The following SUPT3H variants were observed in gnomAD, a reference collection of about 807,000 sequenced individuals.
SUPT3H encodes the protein SPT3 homolog, SAGA and STAGA complex component, also known as transcription initiation protein SPT3 homolog.
In SUPT3H, 44 loss-of-function variants were observed where a neutral mutation model predicts 44.3. That is an observed-to-expected ratio of 0.99 (90% CI 0.78 to 1.28). SUPT3H has a LOEUF of 1.28. Ranked by LOEUF, SUPT3H falls within the 50% of genes most tolerant of loss-of-function variation. The pLI is 0.00. For synonymous variants in SUPT3H, 124 were observed against 125.6 expected (o/e 0.99, Z 0.09); for missense variants, 380 against 387.1 (o/e 0.98, Z 0.15).
At chr6:44,910,031 GCTACTGGGATTT>G (rs1454701069) in intron 10 of SUPT3H, among the ~76,000 whole-genome samples, 2 of 152,152 alleles carry the variant, frequency 1.3e-5, no homozygotes, top group Non-Finnish European at 2.9e-5. Context: ...GAAGAAAATT[GCTACTGGGATTT>G]CTGGGCTGCA....
chr6:44,866,899 T>G (rs1291614056), intron 10 of SUPT3H, among the ~76,000 whole-genome samples: 1 of 152,180 alleles, frequency 6.6e-6, no homozygotes, highest in Non-Finnish European at 1.5e-5. Flanking sequence ...GTCAGAAGAA[T>G]AGCACATTTA....
chr6:45,299,689 A>T (rs1348384298), intron 2 of SUPT3H, among the ~76,000 whole-genome samples: 1 of 151,790 alleles, frequency 6.6e-6, no homozygotes, highest in East Asian at 1.9e-4. Context: ...CTGAGGAAGG[A>T]AGATCACTTA....
At chr6:45,143,490 A>G (rs1490332893) in intron 2 of SUPT3H, among the ~76,000 whole-genome samples, 1 of 152,168 alleles carries the variant, frequency 6.6e-6, no homozygotes, top group Non-Finnish European at 1.5e-5. Flanking sequence ...AAAAAAATTA[A>G]AAATTCTTTG....
At chr6:45,212,061 G>A (rs977425153) in intron 2 of SUPT3H, among the ~76,000 whole-genome samples, 1 of 151,946 alleles carries the variant, frequency 6.6e-6, no homozygotes, top group African/African-American at 2.4e-5. Context: ...AGCTACTCTG[G>A]ATGCTGAGAT....
At chr6:45,019,921 A>G (rs1784871487) in intron 4 of SUPT3H, among the ~76,000 whole-genome samples, 1 of 151,984 alleles carries the variant, frequency 6.6e-6, no homozygotes, top group South Asian at 2.1e-4. Flanking sequence ...CATGTAAAAT[A>G]TTAGAGAATA....
chr6:44,944,762 C>CAAAAAAAAAAAAAAAAAAAAA (rs57506313), intron 9 of SUPT3H, among the ~76,000 whole-genome samples: 25 of 29,884 alleles, frequency 8.4e-4, no homozygotes, highest in South Asian at 1.1e-3. Context: ...ACCCTCTCTC[C>CAAAAAAAAAAAAAAAAAAAAA]AAAAAAAAAA....
At chr6:45,172,623 GCT>G (rs1413255295) in intron 2 of SUPT3H, among the ~76,000 whole-genome samples, 1 of 146,486 alleles carries the variant, frequency 6.8e-6, no homozygotes, top group African/African-American at 2.5e-5. Context: ...AATGGAGTCT[GCT>G]CTGTTGCCCA....
rs547866887 is a variant in SUPT3H, at chr6:44,996,220, A to G, written c.504+7433T>C. Among the ~76,000 whole-genome samples the G allele has an allele frequency of 4.0e-4, 61 of 151,652 alleles. No individual in the cohort carries two copies. The Middle Eastern group carries it at 0.01, about 25-fold the overall frequency. ...ACATTTCCACAGTTAATGTGTTACC[A>G]CTCCCATCTTACTTTTGACCATTTT... On this transcript the variant is annotated intron_variant, in intron 6 of 10. Transcript: ENST00000371459.
intron 2 of SUPT3H, among the ~76,000 whole-genome samples, chr6:45,226,764 C>T (rs1767024506): frequency 6.6e-6 from 1 of 152,064 alleles, no homozygotes. Context: ...CTCCTGACCT[C>T]ATGATCCGCC....
intron 2 of SUPT3H, among the ~76,000 whole-genome samples, chr6:45,297,209 C>T (rs1169711511): frequency 6.6e-6 from 1 of 152,102 alleles, no homozygotes; most frequent in African/African-American, 2.4e-5. Flanking sequence ...GAAGGGATAT[C>T]TATCTACCTG....
chr6:45,370,420 TAA>T (rs1795868394), intron 1 of SUPT3H, among the ~76,000 whole-genome samples: 1 of 152,118 alleles, frequency 6.6e-6, no homozygotes, highest in Non-Finnish European at 1.5e-5. Flanking sequence ...GGGCCTATGT[TAA>T]GTTTGAGACA....
intron 9 of SUPT3H, among the ~76,000 whole-genome samples, chr6:44,946,872 C>T (rs986255530): frequency 6.6e-6 from 1 of 152,122 alleles, no homozygotes; most frequent in Non-Finnish European, 1.5e-5. Context: ...TGCTATCAAA[C>T]AATATCACGT....
intron 3 of SUPT3H, among the ~76,000 whole-genome samples, chr6:45,069,143 G>T (rs1263184534): frequency 1.3e-5 from 2 of 152,172 alleles, no homozygotes; most frequent in Non-Finnish European, 2.9e-5. Flanking sequence ...GAAGGATAAA[G>T]AGGGATTATC....
chr6:45,317,545 C>T (rs374831361), intron 2 of SUPT3H, among the ~76,000 whole-genome samples: 1 of 152,090 alleles, frequency 6.6e-6, no homozygotes, highest in Admixed American at 6.6e-5. Context: ...CATACATTTA[C>T]TGTCAACTGA....
intron 10 of SUPT3H, among the ~76,000 whole-genome samples, chr6:44,858,536 T>C (rs1208827611): frequency 5.9e-5 from 9 of 152,162 alleles, no homozygotes; most frequent in Non-Finnish European, 1.3e-4. Context: ...AAAGGTGAAG[T>C]GAAGAGTAAC....
At chr6:45,321,830 G>C in intron 2 of SUPT3H, 1 of 1,605,226 alleles carries the variant, frequency 6.2e-7, no homozygotes, top group Non-Finnish European at 8.5e-7. Context: ...AGGATATTGT[G>C]ATAACAATAG....
At chr6:45,053,620 C>T (rs549035002) in intron 3 of SUPT3H, among the ~76,000 whole-genome samples, 38 of 151,126 alleles carry the variant, frequency 2.5e-4, no homozygotes, top group African/African-American at 8.7e-4. Flanking sequence ...CTCTGATGGC[C>T]GGGTGCAGTG....
chr6:45,033,673 T>C (rs1227003593), intron 3 of SUPT3H, among the ~76,000 whole-genome samples: 1 of 151,914 alleles, frequency 6.6e-6, no homozygotes, highest in East Asian at 1.9e-4. Flanking sequence ...TATTGAGGAG[T>C]GTGTAAAGTT....
intron 7 of SUPT3H, among the ~76,000 whole-genome samples, chr6:44,959,600 G>T (rs947825625): frequency 2.0e-5 from 3 of 151,980 alleles, no homozygotes; most frequent in Non-Finnish European, 4.4e-5. Flanking sequence ...TTATGATTAT[G>T]AGCTTTGTGT....
Sources: gnomAD v4.1 joint callset for allele counts (sites outside exome capture counted in the v4.1 genomes callset) on GRCh38, gnomAD v4.1.1 for gene constraint, MANE v1.5 for transcripts, NCBI Gene and HGNC (gene_info 2026-07-23, HGNC 2026-07-21) for gene names.